Variants in OAF observed in about 807,000 individuals in gnomAD.
OAF encodes out at first homolog, also known as out at first protein homolog.
OAF carries 13 observed loss-of-function variants against 22.5 expected under a neutral mutation model. That is an observed-to-expected ratio of 0.58 (90% CI 0.38 to 0.92). OAF has a LOEUF of 0.92. Ranked by LOEUF, OAF falls within the 40% of genes least tolerant of loss-of-function variation. OAF has a pLI of 0.00. For missense variants in OAF, 347 were observed against 381.8 expected (o/e 0.91, Z 0.76); for synonymous variants, 175 against 170.5 (o/e 1.03, Z -0.21).
chr11:120,212,080 G>A (rs955828329), intron 1 of OAF, among the ~76,000 whole-genome samples: 1 of 152,174 alleles, frequency 6.6e-6, no homozygotes, highest in African/African-American at 2.4e-5. Context: ...TCTCCTCTTT[G>A]GTCTGGAAGG....
chr11:120,211,975 G>A (rs187265558), intron 1 of OAF, among the ~76,000 whole-genome samples: 100 of 152,284 alleles, frequency 6.6e-4, no homozygotes, highest in African/African-American at 2.3e-3. Flanking sequence ...TCCCAGCCCT[G>A]ACATTTTGGA....
In OAF at chr11:120,230,303, C is replaced by T. The variant is rs548751631; in HGVS notation, c.*1161C>T. The T allele has an allele frequency of 6.6e-6, 1 of 152,354 alleles. No homozygotes were observed. The highest frequency in any genetic ancestry group is 2.1e-4 in the South Asian group (1 of 4,828). 9.4% of individuals were successfully genotyped at this position (152,354 alleles called of 1,614,324 possible). ...GTTGCTTGACCTCTCTGTGCCTCCACTCCCTTAGCTATAAAATGAGCTTAC... is the reference window on the plus strand; with the variant it reads ...GTTGCTTGACCTCTCTGTGCCTCCATTCCCTTAGCTATAAAATGAGCTTAC... On this transcript the variant is annotated 3_prime_UTR_variant, in exon 4 of 4. Coordinates refer to ENST00000328965, the MANE Select transcript of OAF (RefSeq NM_178507.4).
chr11:120,226,951 G>A lies in OAF; in HGVS notation c.502G>A (p.Ala168Thr). The A allele has an allele frequency of 6.2e-7, 1 of 1,610,168 alleles. No homozygotes were observed. The highest frequency in any genetic ancestry group is 8.5e-7 in the Non-Finnish European group (1 of 1,176,984). The change falls in exon 3 of 4, where the codon GCC becomes ACC. Residue 168 changes from alanine (A) to threonine (T), a missense_variant. Transcript: ENST00000328965. ...LHNVCAEAVD[A>T]IYTRQEDVRF... Reference sequence around the variant, plus strand: ...CAACGTGTGTGCCGAGGCCGTGGATGCCATCTACACCCGCCAGGAGGATGT... The same window carrying A: ...CAACGTGTGTGCCGAGGCCGTGGATACCATCTACACCCGCCAGGAGGATGT...
chr11:120,227,019 C>T (rs1938369245), intron 3 of OAF, 23 bp downstream of exon 3: 1 of 1,566,088 alleles, frequency 6.4e-7, no homozygotes, highest in East Asian at 2.3e-5. Flanking sequence ...CTGGGCACTG[C>T]CCGCTGCTGG....
At position 120,211,233 on chromosome 11, in the gene OAF, G is replaced by GC; in HGVS notation, c.-42dup. The GC allele has an allele frequency of 8.7e-7, 1 of 1,154,070 alleles. No individual in the cohort carries two copies. Among genetic ancestry groups the GC allele is most frequent in the Non-Finnish European group, 1.1e-6 (1 of 934,864 alleles). The allele number at this position is 1,154,070 out of a possible 1,614,324, so 71.5% of individuals were successfully genotyped here. On this transcript the variant is annotated 5_prime_UTR_variant, in exon 1 of 4. Coordinates refer to ENST00000328965, the MANE Select transcript of OAF (RefSeq NM_178507.4). ...GCGAAGTTTGCCTGCGCCTCTCCCC[G>GC]CCCCCACGCGGCGCGCCGGGGCCGC...
chr11:120,216,277 G>A (rs537311755), intron 1 of OAF, among the ~76,000 whole-genome samples: 2 of 152,314 alleles, frequency 1.3e-5, no homozygotes, highest in South Asian at 2.1e-4. Context: ...ACCTAAGAAC[G>A]TGTATCCCAA....
chr11:120,225,617 G>C (rs201339110), intron 1 of OAF, 44 bp from the exon 2 acceptor site: 6 of 1,527,058 alleles, frequency 3.9e-6, no homozygotes, highest in Non-Finnish European at 4.4e-6. Context: ...CAGTGGGAAG[G>C]TCCCACACCC....
intron 1 of OAF, among the ~76,000 whole-genome samples, chr11:120,216,599 C>T (rs1938215663): frequency 6.6e-6 from 1 of 152,170 alleles, no homozygotes; most frequent in Admixed American, 6.5e-5. Flanking sequence ...TCAGGATGGC[C>T]AGCCCTGCCT....
At chr11:120,228,824 C>CAAACAA in intron 3 of OAF, 44 bp from the exon 4 acceptor site, 1 of 519,062 alleles carries the variant, frequency 1.9e-6, no homozygotes, top group East Asian at 3.5e-5. Context: ...AGCTCCTTCC[C>CAAACAA]TCCCTCCCTC....
Position 120,228,925 on chromosome 11 carries a change from C to T in OAF, c.605C>T (p.Pro202Leu). 6.2e-7 allele frequency: 1 copy of T among 1,610,112 alleles called. No homozygotes were observed. Among genetic ancestry groups the T allele is most frequent in the South Asian group, 1.1e-5 (1 of 91,042 alleles). Residue 202 changes from proline (P) to leucine (L), a missense_variant, in exon 4 of 4, where the codon CCT (proline) becomes CTT (leucine). Pro to Leu is a moderately conservative substitution (Grantham distance 98). Transcript: ENST00000328965. ...AAGGCCTCAGAGCAGGCGGAGCTGC[C>T]TCGCTGCAGGCAGGTGGGGGACCAC... ...LPKASEQAEL[P>L]RCRQVGDHGK...
At chr11:120,215,906 G>T (rs1020116471) in intron 1 of OAF, among the ~76,000 whole-genome samples, 1 of 152,120 alleles carries the variant, frequency 6.6e-6, no homozygotes, top group Non-Finnish European at 1.5e-5. Context: ...GTGGTGGGCG[G>T]TGGGGGTCCC....
At chr11:120,227,249 A>G (rs1938372376) in intron 3 of OAF, among the ~76,000 whole-genome samples, 1 of 152,196 alleles carries the variant, frequency 6.6e-6, no homozygotes, top group Non-Finnish European at 1.5e-5. Flanking sequence ...TAAGTGTGAT[A>G]GAATACCATG....
chr11:120,211,270 GC>G lies in OAF; in HGVS notation c.-5del, dbSNP rs1425119037. The G allele has an allele frequency of 7.4e-6, 9 of 1,214,544 alleles. No individual in the cohort carries two copies. The highest frequency in any genetic ancestry group is 3.6e-5 in the South Asian group (1 of 27,542). 75.2% of individuals were successfully genotyped at this position (1,214,544 alleles called of 1,614,324 possible). ...CGCGCCGGGGCCGCGGACGGCAGCG[GC>G]CCCCGGGGATGCGCCTTCCCGGGGT... is the stretch of plus-strand genomic sequence containing the variant. On this transcript the variant is annotated 5_prime_UTR_variant, in exon 1 of 4. Transcript: ENST00000328965.
At chr11:120,213,196 G>A (rs1412620975) in intron 1 of OAF, among the ~76,000 whole-genome samples, 1 of 151,794 alleles carries the variant, frequency 6.6e-6, no homozygotes, top group Admixed American at 6.6e-5. Context: ...CATCTGGAAG[G>A]TTTTTATTGC....
intron 2 of OAF, among the ~76,000 whole-genome samples, chr11:120,226,337 G>A (rs369941346): frequency 2.6e-5 from 4 of 152,266 alleles, no homozygotes; most frequent in African/African-American, 9.6e-5. Flanking sequence ...TGCTCCTGCT[G>A]TCTTCTTAGA....
chr11:120,219,279 T>A (rs1178214516), intron 1 of OAF, among the ~76,000 whole-genome samples: 1 of 152,016 alleles, frequency 6.6e-6, no homozygotes, highest in Non-Finnish European at 1.5e-5. Flanking sequence ...GGAAGGAGAC[T>A]GAGACCCAGC....
intron 1 of OAF, among the ~76,000 whole-genome samples, chr11:120,214,741 C>T (rs781010409): frequency 1.3e-5 from 2 of 152,234 alleles, no homozygotes; most frequent in African/African-American, 4.8e-5. Flanking sequence ...TGGACCTTGA[C>T]GCAGCAAAGC....
chr11:120,228,821 T>TACCATCCCAG, intron 3 of OAF, 47 bp from the exon 4 acceptor site: 1 of 520,280 alleles, frequency 1.9e-6, no homozygotes, highest in East Asian at 3.4e-5. Context: ...GGGAGCTCCT[T>TACCATCCCAG]CCCTCCCTCC....
rs1217909039 is a variant in OAF at position 120,211,116 on chromosome 11, C to T, written c.-164C>T. On this transcript the variant is annotated 5_prime_UTR_variant, in exon 1 of 4. Transcript: ENST00000328965. ...CGGGGGCGCCCTGCTGAGCGCTACC[C>T]ACGTGCGTCCGCGCCACCTCGCGGG... The T allele has an allele frequency of 8.1e-6, 2 of 247,886 alleles. No homozygotes were observed. Among genetic ancestry groups the T allele is most frequent in the Non-Finnish European group, 1.5e-5 (2 of 135,134 alleles). The allele number at this position is 247,886 out of a possible 1,614,324, so 15.4% of individuals were successfully genotyped here.
Sources: gnomAD v4.1 joint callset for allele counts (sites outside exome capture counted in the v4.1 genomes callset) on GRCh38, gnomAD v4.1.1 for gene constraint, MANE v1.5 for transcripts, NCBI Gene and HGNC (gene_info 2026-07-23, HGNC 2026-07-21) for gene names.